PTPRN2: variants seen among roughly 807,000 people sequenced by gnomAD.
PTPRN2 encodes the protein protein tyrosine phosphatase receptor type N2.
In PTPRN2, 74 loss-of-function variants were observed where a neutral mutation model predicts 118.8. The ratio of observed to expected loss-of-function variants is 0.62; its 90% CI spans 0.52 to 0.76. The LOEUF (loss-of-function observed/expected upper bound fraction) is 0.76, where lower values mean the gene tolerates loss of function less well. PTPRN2 is among the 30% of genes least tolerant of loss of function. PTPRN2 has a pLI of 0.00. For synonymous variants in PTPRN2, 641 were observed against 608.0 expected (o/e 1.05, Z -0.80); for missense variants, 1,481 against 1,394.4 (o/e 1.06, Z -0.99).
rs372319883 is a variant in PTPRN2 at position 157,682,733 on chromosome 7, C to T, written c.1993G>A (p.Ala665Thr). 101 of 1,613,128 alleles carry T rather than the reference C, an allele frequency of 6.3e-5. No individual in the cohort carries two copies. Among genetic ancestry groups the T allele is most frequent in the African/African-American group, 4.7e-4 (35 of 75,038 alleles). Residue 665 changes from alanine (A) to threonine (T), a missense_variant, in exon 13 of 23, where the codon GCC becomes ACC. Transcript: ENST00000389418. ...AAAAAGTCTCCTCTTACCTGGTAGG[C>T]GGCAGTGGCATCTGCACCTGGGTCG... ...GGDPGADATA[A>T]YQELCRQRMA...
At position 157,918,716 on chromosome 7, in the gene PTPRN2, T is replaced by C. The variant is rs553359728; in HGVS notation, c.1724-19979A>G. ...GATTAAAGTGGAATAAATAGACTAA[T>C]GTTAGATTAGATTATAAAATTCCAG... On this transcript the variant is annotated intron_variant, in intron 11 of 22. Transcript: ENST00000389418. Among the ~76,000 whole-genome samples the C allele has an allele frequency of 1.6e-4, 24 of 152,284 alleles. No homozygotes were observed. In the South Asian group the frequency reaches 5.0e-3, roughly 32 times the overall value.
chr7:157,797,490 C>T (rs552588789), intron 12 of PTPRN2, among the ~76,000 whole-genome samples: 6 of 138,240 alleles, frequency 4.3e-5, no homozygotes, highest in African/African-American at 1.4e-4. Context: ...GGAGGCATCC[C>T]GTGAGGGTCA....
intron 12 of PTPRN2, chr7:157,864,918 C>T (rs1360477849): frequency 1.3e-5 from 2 of 152,280 alleles, no homozygotes; most frequent in Admixed American, 6.5e-5. Flanking sequence ...CTCCCTGACC[C>T]CCAACCTGCA....
intron 12 of PTPRN2, among the ~76,000 whole-genome samples, chr7:157,793,540 C>G (rs1804660369): frequency 6.6e-6 from 1 of 152,022 alleles, no homozygotes; most frequent in Non-Finnish European, 1.5e-5. Flanking sequence ...GGCGTGGTGC[C>G]TCTTCCGGGG....
Position 158,133,790 on chromosome 7 carries a change from C to T in PTPRN2, c.1443G>A (p.Ser481=), listed in dbSNP as rs752485810. The T allele has an allele frequency of 9.3e-6, 15 of 1,613,994 alleles. No individual in the cohort carries two copies. Among genetic ancestry groups the T allele is most frequent in the South Asian group, 1.1e-5 (1 of 91,090 alleles). The change falls in exon 9 of 23, where the codon TCG becomes TCA. Residue 481 remains serine (S), a synonymous_variant. Coordinates refer to ENST00000389418, the MANE Select transcript of PTPRN2 (RefSeq NM_002847.5). ...GELQNQMPGP[S]KEEQSLPAGA... ...CCGCTGGAAGGCTCTGCTCCTCCTT[C>T]GAGGGCCCAGGCATCTGGTTTTGGA...
intron 11 of PTPRN2, among the ~76,000 whole-genome samples, chr7:158,076,034 C>A (rs539732263): frequency 6.6e-6 from 1 of 152,374 alleles, no homozygotes; most frequent in African/African-American, 2.4e-5. Flanking sequence ...GCCTGGAAGA[C>A]CCTTGAGGAG....
In PTPRN2 at chr7:157,784,227, A is replaced by C. The variant is rs1803872232; in HGVS notation, c.1789-101290T>G. On this transcript the variant is annotated intron_variant, in intron 12 of 22. Coordinates refer to ENST00000389418, the MANE Select transcript of PTPRN2 (RefSeq NM_002847.5). This position sits in a 1 kb window ranked among gnomAD's most constrained non-coding sequence, Gnocchi z 4.6. Reference sequence around the variant, plus strand: ...TCTGGCCCAGAGCAGCTCGTGAGTCAGCCTGGCCTAGTTGGAAAGGCACCA... The same window carrying C: ...TCTGGCCCAGAGCAGCTCGTGAGTCCGCCTGGCCTAGTTGGAAAGGCACCA... 6.6e-6 allele frequency among the ~76,000 whole-genome samples: 1 copy of C among 152,168 alleles called. No individual in the cohort carries two copies. The highest frequency in any genetic ancestry group is 1.5e-5 in the Non-Finnish European group (1 of 68,024).
rs867254419 is a variant in PTPRN2, at chr7:157,800,768, C to T, written c.1788+97905G>A. On this transcript the variant is annotated intron_variant, in intron 12 of 22. Coordinates refer to ENST00000389418, the MANE Select transcript of PTPRN2 (RefSeq NM_002847.5). ...GAGATCGAGACCATCCTGGCCAACACGGTGAAACCCCGTCTCTACTAAAAA... is the reference window on the plus strand; with the variant it reads ...GAGATCGAGACCATCCTGGCCAACATGGTGAAACCCCGTCTCTACTAAAAA... 1.4e-4 allele frequency among the ~76,000 whole-genome samples: 22 copies of T among 151,876 alleles called. No individual in the cohort carries two copies. The South Asian group carries it at 3.5e-3, about 24-fold the overall frequency.
At chr7:158,487,236 G>A (rs1389318025) in intron 2 of PTPRN2, among the ~76,000 whole-genome samples, 1 of 152,170 alleles carries the variant, frequency 6.6e-6, no homozygotes, top group Non-Finnish European at 1.5e-5. Flanking sequence ...TATGAATATG[G>A]GTGTGCAAAC....
intron 3 of PTPRN2, among the ~76,000 whole-genome samples, chr7:158,284,338 C>T (rs201090988): frequency 4.9e-4 from 74 of 151,824 alleles, no homozygotes; most frequent in African/African-American, 1.6e-3. Context: ...CCAAGTCAGC[C>T]GGGCACTGGG....
intron 11 of PTPRN2, among the ~76,000 whole-genome samples, chr7:158,064,714 G>A (rs779136055): frequency 6.6e-6 from 1 of 152,082 alleles, no homozygotes; most frequent in Non-Finnish European, 1.5e-5. Flanking sequence ...GCTGACTGGT[G>A]GGGGGGACAT....
chr7:157,753,698 C>T (rs1046412131), intron 12 of PTPRN2, among the ~76,000 whole-genome samples: 16 of 149,000 alleles, frequency 1.1e-4, no homozygotes, highest in African/African-American at 3.4e-4. Context: ...CCTGCCTTAA[C>T]GCCTCCCCTC....
intron 11 of PTPRN2, among the ~76,000 whole-genome samples, chr7:157,975,118 G>C (rs1447095029): frequency 2.0e-5 from 3 of 152,042 alleles, no homozygotes; most frequent in African/African-American, 7.3e-5. Context: ...CCTCCTCCTG[G>C]GACCTCGATC....
intron 12 of PTPRN2, among the ~76,000 whole-genome samples, chr7:157,746,322 G>A (rs1800932802): frequency 1.3e-5 from 2 of 148,382 alleles, no homozygotes; most frequent in Non-Finnish European, 3.0e-5. Context: ...ACGGGGCCCT[G>A]AGCAAGGAGA....
intron 2 of PTPRN2, among the ~76,000 whole-genome samples, chr7:158,396,061 T>C (rs1812468793): frequency 6.6e-6 from 1 of 152,120 alleles, no homozygotes; most frequent in Admixed American, 6.5e-5. Flanking sequence ...CATCGCAGGC[T>C]GGCCCTGGCC....
intron 1 of PTPRN2, among the ~76,000 whole-genome samples, chr7:158,569,299 C>T (rs949454002): frequency 5.3e-5 from 8 of 151,770 alleles, no homozygotes; most frequent in African/African-American, 1.7e-4. Context: ...GCGAACGCAC[C>T]GGCTTTGGGT....
intron 12 of PTPRN2, among the ~76,000 whole-genome samples, chr7:157,860,026 A>C (rs557689133): frequency 2.6e-4 from 36 of 137,374 alleles, no homozygotes; most frequent in African/African-American, 8.0e-4. Context: ...CAGCCACTGT[A>C]CACACTCCTG....
rs1464388616 is a variant in PTPRN2 at position 157,585,573 on chromosome 7, C to T, written c.2497-7433G>A. 6.6e-6 allele frequency among the ~76,000 whole-genome samples: 1 copy of T among 152,244 alleles called. No homozygotes were observed. Among genetic ancestry groups the T allele is most frequent in the Non-Finnish European group, 1.5e-5 (1 of 68,048 alleles). On this transcript the variant is annotated intron_variant, in intron 17 of 22. Coordinates refer to ENST00000389418, the MANE Select transcript of PTPRN2 (RefSeq NM_002847.5). This position sits in a 1 kb window ranked among gnomAD's most constrained non-coding sequence, Gnocchi z 5.2. Reference sequence around the variant, plus strand: ...GACCCGCACAGGAAGTCACCTGGCACAGGCGTCACTGAGACTCCCTGTGGC... The same window carrying T: ...GACCCGCACAGGAAGTCACCTGGCATAGGCGTCACTGAGACTCCCTGTGGC...
intron 6 of PTPRN2, among the ~76,000 whole-genome samples, chr7:158,149,528 G>T (rs1306288457): frequency 6.6e-6 from 1 of 152,140 alleles, no homozygotes; most frequent in African/African-American, 2.4e-5. Flanking sequence ...GCCCGGCTGG[G>T]CGCAGTGGCT....
Sources: gnomAD v4.1 joint callset for allele counts (sites outside exome capture counted in the v4.1 genomes callset) on GRCh38, gnomAD v4.1.1 for gene constraint, Gnocchi (gnomAD v3.1) non-coding constraint, MANE v1.5 for transcripts, NCBI Gene and HGNC (gene_info 2026-07-23, HGNC 2026-07-21) for gene names.